Variants in DNMT1 observed in about 807,000 individuals in gnomAD.
DNMT1 encodes DNA (cytosine-5)-methyltransferase 1.
In DNMT1, 24 loss-of-function variants were observed where a neutral mutation model predicts 205.3. The observed-to-expected ratio is 0.12, with a 90% CI of 0.08 to 0.16. The LOEUF is 0.16. Ranked by LOEUF, DNMT1 falls within the 10% of genes least tolerant of loss-of-function variation. The pLI is 1.00. For missense variants in DNMT1, 1,293 were observed against 2,177.7 expected, an observed-to-expected ratio of 0.59 and a Z score of 8.09; for synonymous variants, 817 against 839.8, an observed-to-expected ratio of 0.97 and a Z score of 0.47.
chr19:10,179,860 C>A (rs1322344254), intron 5 of DNMT1: 2 of 168,726 alleles, frequency 1.2e-5, no homozygotes, highest in Non-Finnish European at 1.3e-5. Context: ...CATGGTGGTG[C>A]CCGCCTGTAA....
intron 9 of DNMT1, among the ~76,000 whole-genome samples, chr19:10,171,892 A>C (rs2038826204): frequency 6.6e-6 from 1 of 151,944 alleles, no homozygotes; most frequent in Non-Finnish European, 1.5e-5. Flanking sequence ...CTGTAGCCCC[A>C]GCTAGTTGGG....
intron 1 of DNMT1, among the ~76,000 whole-genome samples, chr19:10,193,583 C>G (rs1469859125): frequency 1.4e-5 from 2 of 148,104 alleles, no homozygotes; most frequent in Non-Finnish European, 3.0e-5. Context: ...AGGCTGGTCT[C>G]AAACTCCTGG....
At position 10,136,205 on chromosome 19, in the gene DNMT1, G is replaced by A. The variant is rs1257857329; in HGVS notation, c.4572C>T (p.Asn1524=). 6.2e-7 allele frequency: 1 copy of A among 1,614,162 alleles called. No homozygotes were observed. Among genetic ancestry groups the A allele is most frequent in the Admixed American group, 1.7e-5 (1 of 60,026 alleles). Residue 1524 remains asparagine, a synonymous_variant, in exon 38 of 41, where the codon AAC becomes AAT. Transcript: ENST00000359526. Reference sequence around the variant, plus strand: ...GCCTTCCATAGAGGCCAGCCCAGTGGTTGTGCCGGTTCCCGGTGTGGGGCA... The same window carrying A: ...GCCTTCCATAGAGGCCAGCCCAGTGATTGTGCCGGTTCCCGGTGTGGGGCA... ...WCLPHTGNRH[N]HWAGLYGRLE...
At position 10,168,339 on chromosome 19, in the gene DNMT1, G is replaced by A. The variant is rs2038736180; in HGVS notation, c.794C>T (p.Thr265Ile). 2 of 1,613,988 alleles carry A rather than the reference G, an allele frequency of 1.2e-6. No homozygotes were observed. The highest frequency in any genetic ancestry group is 2.7e-5 in the African/African-American group (2 of 74,902). ...EKEEKRLRSQ[T>I]KEPTPKQKLK... ...GGTTCGCTGCACTTACGGTTCTTTG[G>A]TTTGACTTCGGAGTCTCTTTTCTTC... Residue 265 changes from threonine to isoleucine, a missense_variant, in exon 10 of 41, where the codon ACC (threonine) becomes ATC (isoleucine). By Grantham distance (89) the Thr-to-Ile change is moderately conservative (BLOSUM62 -1). Coordinates refer to ENST00000359526, the MANE Select transcript of DNMT1 (RefSeq NM_001130823.3).
At chr19:10,177,499 A>C in intron 5 of DNMT1, 132 bp from the exon 6 acceptor site, 4 of 864,540 alleles carry the variant, frequency 4.6e-6, no homozygotes, top group Non-Finnish European at 3.6e-6. Flanking sequence ...GCATCTTTGC[A>C]TTTTTATTCT....
At chr19:10,161,321 G>GTAAATAAATAAA (rs112691763) in intron 13 of DNMT1, among the ~76,000 whole-genome samples, 8 of 146,582 alleles carry the variant, frequency 5.5e-5, no homozygotes, top group Non-Finnish European at 7.5e-5. Context: ...AAATACATAA[G>GTAAATAAATAAA]TAAATAAATA....
chr19:10,154,219 G>T lies in DNMT1; in HGVS notation c.2019+74C>A, dbSNP rs1254241794. ...CAGAGTCTCAAGCCACAGAGAGAAA[G>T]ATGGAGCAGTCCTCAGATCAGGCCA... On this transcript the variant is annotated intron_variant, in intron 22 of 40. Coordinates refer to ENST00000359526, the MANE Select transcript of DNMT1 (RefSeq NM_001130823.3). This position sits in a 1 kb window ranked among gnomAD's most constrained non-coding sequence, Gnocchi z 6.3. The T allele has an allele frequency of 1.4e-6, 2 of 1,468,666 alleles. No homozygotes were observed. Among genetic ancestry groups the T allele is most frequent in the African/African-American group, 2.8e-5 (2 of 71,938 alleles). 91.0% of individuals were successfully genotyped at this position (1,468,666 alleles called of 1,614,324 possible). A position where few individuals can be genotyped will look rare whatever the true frequency, so the allele number is the denominator to read the frequency against.
intron 10 of DNMT1, among the ~76,000 whole-genome samples, chr19:10,167,041 A>G (rs930451904): frequency 9.2e-5 from 14 of 152,170 alleles, no homozygotes; most frequent in African/African-American, 3.4e-4. Flanking sequence ...GATCAGCGTC[A>G]GTCAGTGACC....
intron 1 of DNMT1, among the ~76,000 whole-genome samples, chr19:10,188,453 T>C (rs558099262): frequency 6.6e-6 from 1 of 151,742 alleles, no homozygotes; most frequent in South Asian, 2.1e-4. Flanking sequence ...GGCACAAGAA[T>C]CATTTGAACC....
At chr19:10,150,575 A>G (rs1028379100) in intron 24 of DNMT1, among the ~76,000 whole-genome samples, 1 of 152,246 alleles carries the variant, frequency 6.6e-6, no homozygotes, top group African/African-American at 2.4e-5. Flanking sequence ...CGGCCCAGGC[A>G]GCCAGCAGGT....
chr19:10,171,204 ATGAGGGAC>A (rs57367310), intron 9 of DNMT1, among the ~76,000 whole-genome samples: 19,203 of 152,118 alleles, frequency 0.13, 1,303 homozygotes, highest in Middle Eastern at 0.23. Flanking sequence ...TACAAAGAAG[ATGAGGGAC>A]TGGGGAAAGA....
intron 10 of DNMT1, 52 bp downstream of exon 10, chr19:10,168,278 G>A (rs2038734879): frequency 6.2e-7 from 1 of 1,606,596 alleles, no homozygotes; most frequent in Non-Finnish European, 8.5e-7. Flanking sequence ...AGATACTTAT[G>A]TTAGCAATTC....
intron 9 of DNMT1, among the ~76,000 whole-genome samples, chr19:10,169,272 G>A (rs1187788615): frequency 6.6e-6 from 1 of 151,630 alleles, no homozygotes; most frequent in Non-Finnish European, 1.5e-5. Flanking sequence ...GCTGGGCACA[G>A]TGGCTCACTA....
chr19:10,193,236 T>A, intron 1 of DNMT1, among the ~76,000 whole-genome samples: 1 of 152,074 alleles, frequency 6.6e-6, no homozygotes, highest in South Asian at 2.1e-4. Flanking sequence ...GGTGGGCGCC[T>A]GTGGTCCCAG....
At chr19:10,189,423 T>A (rs2039258771) in intron 1 of DNMT1, among the ~76,000 whole-genome samples, 1 of 102,024 alleles carries the variant, frequency 9.8e-6, no homozygotes, top group Non-Finnish European at 1.8e-5. Flanking sequence ...GCCCAGCTGA[T>A]TTTTTTTTTT....
chr19:10,191,987 A>C (rs2039312824), intron 1 of DNMT1, among the ~76,000 whole-genome samples: 1 of 151,940 alleles, frequency 6.6e-6, no homozygotes, highest in Non-Finnish European at 1.5e-5. Flanking sequence ...ATACCTGGCT[A>C]ATTTTTTTGT....
chr19:10,181,753 C>T (rs1355909240), intron 2 of DNMT1, among the ~76,000 whole-genome samples: 1 of 151,812 alleles, frequency 6.6e-6, no homozygotes, highest in Non-Finnish European at 1.5e-5. Flanking sequence ...AGCTTGAATC[C>T]GGGAGGCAGA....
chr19:10,158,402 C>T (rs1311295763), intron 17 of DNMT1, among the ~76,000 whole-genome samples: 1 of 152,192 alleles, frequency 6.6e-6, no homozygotes, highest in Non-Finnish European at 1.5e-5. Context: ...TGTGGGTGCC[C>T]TCCCAGTGGG....
At chr19:10,176,697 A>C (rs1275909902) in intron 6 of DNMT1, among the ~76,000 whole-genome samples, 2 of 152,094 alleles carry the variant, frequency 1.3e-5, no homozygotes, top group Non-Finnish European at 2.9e-5. Context: ...ACCTCTACTA[A>C]AAATACAAAA....
Sources: gnomAD v4.1 joint callset for allele counts (sites outside exome capture counted in the v4.1 genomes callset) on GRCh38, gnomAD v4.1.1 for gene constraint, Gnocchi (gnomAD v3.1) non-coding constraint, MANE v1.5 for transcripts, NCBI Gene and HGNC (gene_info 2026-07-23, HGNC 2026-07-21) for gene names.